FAM234A: variants seen among roughly 807,000 people sequenced by gnomAD.
The protein encoded by FAM234A is protein FAM234A.
Under a neutral mutation model 49.1 loss-of-function variants are expected in FAM234A, and 42 were observed. The observed-to-expected ratio is 0.86, with a 90% CI of 0.67 to 1.11. The LOEUF (loss-of-function observed/expected upper bound fraction) is 1.11, where lower values mean the gene tolerates loss of function less well. Among genes scored for constraint, FAM234A ranks in the 50% least tolerant of loss-of-function variants. The pLI is 0.00. For synonymous variants in FAM234A, 369 were observed against 316.2 expected (o/e 1.17, Z -1.77); for missense variants, 815 against 745.2 (o/e 1.09, Z -1.09).
chr16:259,049 G>A (rs2051351728), intron 3 of FAM234A, among the ~76,000 whole-genome samples: 1 of 152,104 alleles, frequency 6.6e-6, no homozygotes, highest in Non-Finnish European at 1.5e-5. Flanking sequence ...CCAAAGTGCT[G>A]GGATTACAGG....
At chr16:254,262 T>A (rs1441358400) in intron 2 of FAM234A, 119 bp from the exon 3 acceptor site, 10 of 736,296 alleles carry the variant, frequency 1.4e-5, no homozygotes, top group Non-Finnish European at 2.3e-5. Flanking sequence ...CCTGGGCTGG[T>A]GGCCCATAGT....
rs111397727 is a variant in FAM234A, at chr16:264,485, G to C, written c.1345-129G>C. ...CTGGGAGGTGGCCACAGAACTGGGG[G>C]CTGGCATTTGGGGGACCCAGATAGG... On this transcript the variant is annotated intron_variant, in intron 11 of 12. Transcript: ENST00000399932. 2,885 of 754,876 alleles carry C rather than the reference G, an allele frequency of 3.8e-3. 18 individuals are homozygous for C. Among genetic ancestry groups the C allele is most frequent in the South Asian group, 0.01 (601 of 58,412 alleles). 46.8% of individuals were successfully genotyped at this position (754,876 alleles called of 1,614,324 possible).
At chr16:253,506 ACT>A (rs537264457) in intron 2 of FAM234A, among the ~76,000 whole-genome samples, 359 of 151,084 alleles carry the variant, frequency 2.4e-3, no homozygotes, top group African/African-American at 8.1e-3. Flanking sequence ...ACGGAGTGTC[ACT>A]CTGTCGCCCA....
downstream of FAM234A, among the ~76,000 whole-genome samples, chr16:267,891 ATAC>A (rs1390452837): frequency 7.3e-6 from 1 of 137,502 alleles, no homozygotes; most frequent in African/African-American, 2.7e-5. Context: ...ACACATGCAC[ATAC>A]CACACATGCA....
downstream of FAM234A, chr16:268,259 G>C (rs1402000600): frequency 4.5e-6 from 1 of 222,920 alleles, no homozygotes; most frequent in Non-Finnish European, 9.1e-6. Flanking sequence ...ACACACCCAT[G>C]CATGTGTCAC....
At chr16:269,811 C>T, downstream of FAM234A, 1 of 534,462 alleles carries the variant, frequency 1.9e-6, no homozygotes. Context: ...TGGCAAGAGC[C>T]CTGGTGGCCA....
In FAM234A at chr16:265,558, C is replaced by G. The variant is rs7193384; in HGVS notation, c.*536C>G. ...GCCTCAACGGGAACCTGAGACAGCT[C>G]CAGCTTCGCAGCCCTTCCCGGAGCT... is the stretch of plus-strand genomic sequence containing the variant. On this transcript the variant is annotated 3_prime_UTR_variant, in exon 13 of 13. Coordinates refer to ENST00000399932, the MANE Select transcript of FAM234A (RefSeq NM_032039.4). The G allele has an allele frequency of 0.2, 196,409 of 985,578 alleles. 21,234 individuals are homozygous for G. Among genetic ancestry groups the G allele is most frequent in the African/African-American group, 0.4 (22,967 of 57,218 alleles). 61.1% of individuals were successfully genotyped at this position (985,578 alleles called of 1,614,324 possible). A position where few individuals can be genotyped will look rare whatever the true frequency, so the allele number is the denominator to read the frequency against.
At chr16:253,762 C>T (rs574632852) in intron 2 of FAM234A, 1 of 152,850 alleles carries the variant, frequency 6.5e-6, no homozygotes, top group East Asian at 1.9e-4. Context: ...GTGTGAGCCA[C>T]CACGCCCGGC....
chr16:261,177 T>C, intron 5 of FAM234A: 1 of 544,432 alleles, frequency 1.8e-6, no homozygotes, highest in Non-Finnish European at 3.3e-6. Context: ...GCAGGACGTG[T>C]GTCCACCACC....
chr16:267,006 G>T (rs142762626), downstream of FAM234A, among the ~76,000 whole-genome samples: 1 of 152,104 alleles, frequency 6.6e-6, no homozygotes, highest in African/African-American at 2.4e-5. Flanking sequence ...CTGAGAAGCC[G>T]GAGTTGAGGG....
At chr16:244,174 T>C (rs1400445741) in intron 1 of FAM234A, among the ~76,000 whole-genome samples, 2 of 152,102 alleles carry the variant, frequency 1.3e-5, no homozygotes, top group South Asian at 2.1e-4. Context: ...TTCACCGTGT[T>C]AGCTAGGATG....
rs911311490 is a variant in FAM234A at position 265,797 on chromosome 16, T to A, written c.*775T>A. 7 of 985,608 alleles carry A rather than the reference T, an allele frequency of 7.1e-6. No individual in the cohort carries two copies. The African/African-American group carries it at 1.2e-4, about 17-fold the overall frequency. The allele number at this position is 985,608 out of a possible 1,614,324, so 61.1% of individuals were successfully genotyped here. ...AAGGAACTGGCTGTGGAATGCGTGT[T>A]TGGGTCAGTCTGTGCCCTCTCAGTA... is the stretch of plus-strand genomic sequence containing the variant. On this transcript the variant is annotated 3_prime_UTR_variant, in exon 13 of 13. Coordinates refer to ENST00000399932, the MANE Select transcript of FAM234A (RefSeq NM_032039.4).
At position 260,108 on chromosome 16, in the gene FAM234A, C is replaced by T. The variant is rs763017001; in HGVS notation, c.525C>T (p.Ala175=). 40 of 1,613,972 alleles carry T rather than the reference C, an allele frequency of 2.5e-5. 1 individual carries two copies. In the South Asian group the frequency reaches 4.1e-4, roughly 16 times the overall value. Residue 175 remains alanine (A), a synonymous_variant, in exon 5 of 13, where the codon GCC becomes GCT. Coordinates refer to ENST00000399932, the MANE Select transcript of FAM234A (RefSeq NM_032039.4). ...PQPRGSEAPS[A]CILVGRPSSF... is the part of the protein sequence containing the mutation. ...CAAGAGGCAGTGAGGCACCTTCTGC[C>T]TGCATCCTGGTGGGCAGACCCAGTT...
At chr16:244,680 C>A (rs1017577535) in intron 1 of FAM234A, among the ~76,000 whole-genome samples, 3 of 140,650 alleles carry the variant, frequency 2.1e-5, no homozygotes, top group African/African-American at 8.0e-5. Context: ...GAATGGTAAC[C>A]TCTTTTTTTT....
At chr16:268,845 G>A (rs1024764134), downstream of FAM234A, 37 of 1,550,298 alleles carry the variant, frequency 2.4e-5, no homozygotes, top group African/African-American at 2.7e-5. Flanking sequence ...GCATGTCCGC[G>A]TCTTGTGACG....
intron 2 of FAM234A, 45 bp from the exon 3 acceptor site, chr16:254,336 C>T: frequency 6.6e-7 from 1 of 1,524,840 alleles, no homozygotes. Flanking sequence ...CAGCTTTGTG[C>T]CGTGGGACTG....
At chr16:262,038 C>T (rs1324494483) in intron 6 of FAM234A, 55 bp from the exon 7 acceptor site, 1 of 1,432,788 alleles carries the variant, frequency 7.0e-7, no homozygotes, top group East Asian at 3.1e-5. Flanking sequence ...GCCTTGTGTC[C>T]TTGCAGCCCC....
At chr16:261,987 T>C (rs1053809501) in intron 6 of FAM234A, 106 bp from the exon 7 acceptor site, 6 of 902,874 alleles carry the variant, frequency 6.6e-6, no homozygotes, top group Non-Finnish European at 7.1e-6. Context: ...TCCTGGGCCT[T>C]GTGTCATTGC....
Position 254,651 on chromosome 16 carries a change from CGAATGTG to C in FAM234A, c.241_247del (p.Met81GlyfsTer2), listed in dbSNP as rs2051158958. 2 of 1,613,874 alleles carry C rather than the reference CGAATGTG, an allele frequency of 1.2e-6. No homozygotes were observed. Among genetic ancestry groups the C allele is most frequent in the African/African-American group, 1.3e-5 (1 of 74,880 alleles). ...GTGTCCAGACCGGCCGGCGTCACAG[CGAATGTG>C]GAGGATAGACTACAGTGCCGCTGGT... is the stretch of plus-strand genomic sequence containing the variant. On this transcript the variant is annotated frameshift_variant, in exon 3 of 13. Coordinates refer to ENST00000399932, the MANE Select transcript of FAM234A (RefSeq NM_032039.4). LOFTEE classifies it high-confidence loss of function.
Sources: allele counts gnomAD v4.1 joint callset (sites outside exome capture counted in the v4.1 genomes callset), GRCh38; gene constraint gnomAD v4.1.1; transcripts MANE v1.5; gene names NCBI Gene and HGNC (gene_info 2026-07-23, HGNC 2026-07-21).